The following CACNA1A variants were observed in gnomAD, a reference collection of about 807,000 sequenced individuals.
CACNA1A encodes the protein voltage-dependent P/Q-type calcium channel subunit alpha-1A.
In CACNA1A, 57 loss-of-function variants were observed where a neutral mutation model predicts 262.4. That is an observed-to-expected ratio of 0.22 (90% CI 0.18 to 0.27). CACNA1A has a LOEUF of 0.27. Among genes scored for constraint, CACNA1A ranks in the 10% least tolerant of loss-of-function variants. CACNA1A has a pLI of 1.00. For missense variants in CACNA1A, 2,526 were observed against 3,562.8 expected (o/e 0.71, Z 7.41); for synonymous variants, 1,431 against 1,419.3 (o/e 1.01, Z -0.18).
chr19:13,298,914 C>G lies in CACNA1A; in HGVS notation c.2719G>C (p.Glu907Gln). The part of the protein sequence containing the change: ...YGRESDHHAR[E>Q]GSLEQPGFWE... Reference sequence around the variant, plus strand: ...AACCCGGGTTGCTCCAGGCTGCCCTCCCGGGCGTGGTGGTCCGACTCGCGG... The same window carrying G: ...AACCCGGGTTGCTCCAGGCTGCCCTGCCGGGCGTGGTGGTCCGACTCGCGG... The change falls in exon 19 of 47, where the codon GAG (glutamate) becomes CAG (glutamine). Residue 907 changes from glutamate (E) to glutamine (Q), a missense_variant. Physicochemically the swap from Glu to Gln is conservative, Grantham distance 29 (BLOSUM62 2). This residue lies in a region of CACNA1A where 765 missense variants were observed against 748.6 expected (regional missense o/e 1.02). Transcript: ENST00000360228. 2 of 1,594,670 alleles carry G rather than the reference C, an allele frequency of 1.3e-6. No individual in the cohort carries two copies. The highest frequency in any genetic ancestry group is 1.7e-6 in the Non-Finnish European group (2 of 1,177,852).
Position 13,428,568 on chromosome 19 carries a change from CG to C in CACNA1A, c.539+24307del, listed in dbSNP as rs2060445889. Among the ~76,000 whole-genome samples, 11 of 152,264 alleles carry C rather than the reference CG, an allele frequency of 7.2e-5. No homozygotes were observed. The South Asian group carries it at 2.3e-3, about 32-fold the overall frequency. On this transcript the variant is annotated intron_variant, in intron 3 of 46. Transcript: ENST00000360228. ...CAGGCCCCCTAGTGGGCATATTACA[CG>C]GATCATCTCCTCGCATCCTCAAAAC...
At chr19:13,208,249 AGGAG>A (rs1037035852) in intron 46 of CACNA1A, among the ~76,000 whole-genome samples, 196 bp from the exon 47 acceptor site, 1 of 81,694 alleles carries the variant, frequency 1.2e-5, no homozygotes, top group African/African-American at 4.7e-5. Flanking sequence ...AGCCACAGGG[AGGAG>A]GGAGGGGAGG....
At position 13,402,825 on chromosome 19, in the gene CACNA1A, CATATATATACAT is replaced by C. The variant is rs2059924606; in HGVS notation, c.540-31058_540-31047del. ...ACATATATATATACATATATACACA[CATATATATACAT>C]ATATATACACATATATATATACACA... On this transcript the variant is annotated intron_variant, in intron 3 of 46. Coordinates refer to ENST00000360228, the MANE Select transcript of CACNA1A (RefSeq NM_001127222.2). 2.1e-4 allele frequency among the ~76,000 whole-genome samples: 27 copies of C among 130,620 alleles called. No individual in the cohort carries two copies. In the South Asian group the frequency reaches 6.3e-3, roughly 30 times the overall value. 85.7% of individuals were successfully genotyped at this position (130,620 alleles called of 152,430 possible). A position where few individuals can be genotyped will look rare whatever the true frequency, so the allele number is the denominator to read the frequency against.
intron 37 of CACNA1A, 80 bp from the exon 38 acceptor site, chr19:13,224,852 A>T: frequency 1.1e-6 from 1 of 935,178 alleles, no homozygotes; most frequent in Non-Finnish European, 1.7e-6. Flanking sequence ...GCCCCTACCC[A>T]GGGAGTCCCA....
rs368033271 is a variant in CACNA1A, at chr19:13,307,785, A to G, written c.1983T>C (p.Phe661=). ...DTFPAAIMTV[F]QILTGEDWNE... ...TGGGGCCAGGTGGAGGCTGTACCTGAAACACCGTCATTATTGCTGCTGGAA... is the reference window on the plus strand; with the variant it reads ...TGGGGCCAGGTGGAGGCTGTACCTGGAACACCGTCATTATTGCTGCTGGAA... The change falls in exon 15 of 47, where the codon TTT becomes TTC. Residue 661 remains phenylalanine, a synonymous_variant. Transcript: ENST00000360228. 402 of 1,613,936 alleles carry G rather than the reference A, an allele frequency of 2.5e-4. 2 individuals are homozygous for G. The highest frequency in any genetic ancestry group is 2.0e-3 in the Middle Eastern group (12 of 6,062).
chr19:13,467,387 A>G (rs1314250447), intron 1 of CACNA1A, among the ~76,000 whole-genome samples: 4 of 151,994 alleles, frequency 2.6e-5, no homozygotes, highest in African/African-American at 4.8e-5. Context: ...AGGCTGAGGC[A>G]CGAGGATCAC....
chr19:13,330,411 T>TA, intron 9 of CACNA1A, 78 bp from the exon 10 acceptor site: 3 of 1,032,316 alleles, frequency 2.9e-6, no homozygotes, highest in Non-Finnish European at 4.4e-6. Context: ...CAGTGTGTCC[T>TA]TGGATTTAAC....
rs538185752 is a variant in CACNA1A at position 13,505,728 on chromosome 19, C to T, written c.293+204G>A. The stretch of plus-strand genomic sequence containing the variant: ...CCCCCCAGCCCCCCACAAACCCATT[C>T]CCAAGCCTCCAGGGTAGCTCAACCC... On this transcript the variant is annotated intron_variant, in intron 1 of 46. Coordinates refer to ENST00000360228, the MANE Select transcript of CACNA1A (RefSeq NM_001127222.2). Among the ~76,000 whole-genome samples, 258 of 148,040 alleles carry T rather than the reference C, an allele frequency of 1.7e-3. 1 individual carries two copies. Among genetic ancestry groups the T allele is most frequent in the African/African-American group, 6.2e-3 (252 of 40,656 alleles).
chr19:13,428,947 G>T (rs534497227), intron 3 of CACNA1A, among the ~76,000 whole-genome samples: 1 of 151,970 alleles, frequency 6.6e-6, no homozygotes, highest in Non-Finnish European at 1.5e-5. Context: ...CCTTGAGGAC[G>T]GCACAGGTGA....
At chr19:13,486,351 C>T (rs1979977430) in intron 1 of CACNA1A, among the ~76,000 whole-genome samples, 1 of 150,698 alleles carries the variant, frequency 6.6e-6, no homozygotes, top group African/African-American at 2.5e-5. Flanking sequence ...CTACACTGCT[C>T]TCTAGGTTTG....
At chr19:13,358,411 G>T (rs373757054) in intron 6 of CACNA1A, among the ~76,000 whole-genome samples, 17 of 152,140 alleles carry the variant, frequency 1.1e-4, no homozygotes, top group Non-Finnish European at 1.8e-4. Context: ...ACAAAAATTA[G>T]CTGGGCATAC....
chr19:13,247,721 T>TAAATAAAA (rs1262178058), intron 30 of CACNA1A, among the ~76,000 whole-genome samples: 1 of 150,882 alleles, frequency 6.6e-6, no homozygotes, highest in Non-Finnish European at 1.5e-5. Context: ...TAAAAATAAA[T>TAAATAAAA]AAATAAATAA....
At chr19:13,234,520 T>C (rs1600137392) in intron 34 of CACNA1A, among the ~76,000 whole-genome samples, 2 of 152,014 alleles carry the variant, frequency 1.3e-5, no homozygotes, top group Admixed American at 6.6e-5. Flanking sequence ...CCTCACAGGG[T>C]GGTCAGGAAG....
intron 38 of CACNA1A, among the ~76,000 whole-genome samples, chr19:13,220,442 A>G (rs1466773446): frequency 1.3e-5 from 2 of 152,272 alleles, no homozygotes; most frequent in African/African-American, 4.8e-5. Flanking sequence ...GCAAAAAGCT[A>G]AAAAGCCAGT....
intron 1 of CACNA1A, among the ~76,000 whole-genome samples, chr19:13,467,210 T>C (rs183907729): frequency 4.6e-5 from 7 of 152,182 alleles, no homozygotes; most frequent in Non-Finnish European, 7.4e-5. Context: ...GGAGGTGGGA[T>C]GGGGTAAGGG....
At position 13,506,300 on chromosome 19, in the gene CACNA1A, CTGA is replaced by C; in HGVS notation, c.-79_-77del. 7 of 1,297,744 alleles carry C rather than the reference CTGA, an allele frequency of 5.4e-6. No individual in the cohort carries two copies. Among genetic ancestry groups the C allele is most frequent in the Non-Finnish European group, 7.0e-6 (7 of 1,002,392 alleles). The allele number at this position is 1,297,744 out of a possible 1,614,324, so 80.4% of individuals were successfully genotyped here. A position where few individuals can be genotyped will look rare whatever the true frequency, so the allele number is the denominator to read the frequency against. On this transcript the variant is annotated 5_prime_UTR_variant, in exon 1 of 47. Coordinates refer to ENST00000360228, the MANE Select transcript of CACNA1A (RefSeq NM_001127222.2). ...GACGCCGCCGCCGCCGCCGCCGCCG[CTGA>C]TGCTGAGGCTGCCGGGGCTGGGAGC...
At chr19:13,501,355 T>C (rs1343960872) in intron 1 of CACNA1A, among the ~76,000 whole-genome samples, 1 of 152,066 alleles carries the variant, frequency 6.6e-6, no homozygotes, top group Non-Finnish European at 1.5e-5. Context: ...TTTGTATTTT[T>C]AGTAGAGACG....
Position 13,321,528 on chromosome 19 carries a change from A to C in CACNA1A, c.1346-4207T>G, listed in dbSNP as rs1472401886. Among the ~76,000 whole-genome samples, 7 of 152,202 alleles carry C rather than the reference A, an allele frequency of 4.6e-5. No individual in the cohort carries two copies. In the South Asian group the frequency reaches 8.3e-4, roughly 18 times the overall value. The stretch of plus-strand genomic sequence containing the variant: ...GTCCTTGTGTGAGCATCTTAAAGTG[A>C]ACTTACATAAACCTAGATGTTGTAG... On this transcript the variant is annotated intron_variant, in intron 10 of 46. Transcript: ENST00000360228.
At chr19:13,417,544 G>C (rs1278590313) in intron 3 of CACNA1A, among the ~76,000 whole-genome samples, 2 of 152,100 alleles carry the variant, frequency 1.3e-5, no homozygotes, top group African/African-American at 4.8e-5. Context: ...TCACTTTCTG[G>C]GGATGAACTG....
Sources: gnomAD v4.1 joint callset for allele counts (sites outside exome capture counted in the v4.1 genomes callset) on GRCh38, gnomAD v4.1.1 for gene constraint, gnomAD v4.1.1 regional missense constraint, MANE v1.5 for transcripts, NCBI Gene and HGNC (gene_info 2026-07-23, HGNC 2026-07-21) for gene names.